The following PMS2 variants were observed in gnomAD, a reference collection of about 807,000 sequenced individuals.
PMS2 encodes the protein mismatch repair endonuclease PMS2.
In PMS2, 69 loss-of-function variants were observed where a neutral mutation model predicts 90.0. The observed-to-expected ratio is 0.77, with a 90% CI of 0.63 to 0.94. The LOEUF (loss-of-function observed/expected upper bound fraction) is 0.94. Ranked by LOEUF, PMS2 falls within the 40% of genes least tolerant of loss-of-function variation. The probability of loss-of-function intolerance (pLI) is 0.00; values close to 1 mark genes in which losing one functional copy is unlikely to be tolerated. For missense variants in PMS2, 966 were observed against 1,040.2 expected, an observed-to-expected ratio of 0.93 and a Z score of 0.98; for synonymous variants, 332 against 375.1, an observed-to-expected ratio of 0.89 and a Z score of 1.33.
At position 5,977,647 on chromosome 7, in the gene PMS2, C is replaced by T. The variant is rs368737800; in HGVS notation, c.2386G>A (p.Val796Ile). 25 of 1,603,604 alleles carry T rather than the reference C, an allele frequency of 1.6e-5. No homozygotes were observed. Among genetic ancestry groups the T allele is most frequent in the Non-Finnish European group, 2.1e-5 (25 of 1,172,998 alleles). ...LIFMLSDSPG[V>I]MCRPSRVKQM... ...TTGACTCGGGAAGGCCGGCACATGA[C>T]CCCAGGGCTGTCGCTCAGCATGAAG... Residue 796 changes from valine (V) to isoleucine (I), a missense_variant, in exon 14 of 15, where the codon GTC (valine) becomes ATC (isoleucine). Coordinates refer to ENST00000265849, the MANE Select transcript of PMS2 (RefSeq NM_000535.7).
At chr7:6,000,784 G>C (rs1335277953) in intron 5 of PMS2, among the ~76,000 whole-genome samples, 2 of 151,898 alleles carry the variant, frequency 1.3e-5, no homozygotes, top group African/African-American at 2.4e-5. Context: ...TGAGGTCAGG[G>C]GTGCAAGACC....
intron 1 of PMS2, among the ~76,000 whole-genome samples, chr7:6,007,087 C>CATT (rs10592354): frequency 0.043 from 6,332 of 147,388 alleles, 188 homozygotes; most frequent in South Asian, 0.11. Flanking sequence ...AAGTCCCCTA[C>CATT]ATTATTATTA....
chr7:5,996,594 T>A (rs76428720), intron 7 of PMS2, among the ~76,000 whole-genome samples: 21,495 of 96,332 alleles, frequency 0.22, 2,032 homozygotes, highest in Middle Eastern at 0.32. Context: ...AAAAAAAATA[T>A]ATATATATAT....
intron 11 of PMS2, among the ~76,000 whole-genome samples, chr7:5,983,591 C>T (rs144691506): frequency 0.013 from 2,003 of 151,724 alleles, 32 homozygotes; most frequent in Middle Eastern, 0.034. Context: ...TCTGTCATCA[C>T]TTAATGCATC....
intron 1 of PMS2, among the ~76,000 whole-genome samples, chr7:6,008,593 A>AG (rs1039744336): frequency 6.6e-6 from 1 of 152,158 alleles, no homozygotes; most frequent in African/African-American, 2.4e-5. Flanking sequence ...TCTACAAAAA[A>AG]AAATTAAAAA....
rs10274935 is a variant in PMS2, at chr7:6,002,156, A to G, written c.537+297T>C. On this transcript the variant is annotated intron_variant, in intron 5 of 14. Coordinates refer to ENST00000265849, the MANE Select transcript of PMS2 (RefSeq NM_000535.7). ...GTGATCCTCCCACTTCAGCCTCCCA[A>G]GTAGCTGGAACTACAGGTACATGTC... is the stretch of plus-strand genomic sequence containing the variant. 4.7e-3 allele frequency: 1,583 copies of G among 337,190 alleles called. 31 individuals carry two copies. The highest frequency in any genetic ancestry group is 0.031 in the African/African-American group (1,459 of 46,474). 20.9% of individuals were successfully genotyped at this position (337,190 alleles called of 1,614,324 possible).
intron 9 of PMS2, among the ~76,000 whole-genome samples, chr7:5,991,080 A>C (rs1783680919): frequency 6.6e-6 from 1 of 152,206 alleles, no homozygotes; most frequent in African/African-American, 2.4e-5. Context: ...TATAATTTCC[A>C]AAAACTAAAA....
chr7:5,999,529 C>T (rs1784864125), intron 5 of PMS2, among the ~76,000 whole-genome samples: 1 of 152,100 alleles, frequency 6.6e-6, no homozygotes, highest in Non-Finnish European at 1.5e-5. Context: ...AAAAGTACAG[C>T]CTGTAATCCC....
chr7:5,997,350 G>C lies in PMS2; in HGVS notation c.779C>G (p.Ser260Cys), dbSNP rs777286241. The C allele has an allele frequency of 6.3e-6, 10 of 1,591,390 alleles. No homozygotes were observed. The highest frequency in any genetic ancestry group is 8.6e-6 in the Non-Finnish European group (10 of 1,161,072). Residue 260 changes from serine (S) to cysteine (C), a missense_variant, in exon 7 of 15, where the codon TCC becomes TGC. Transcript: ENST00000265849. ...SVCEEYGLSC[S>C]DALHNLFYIS... is the part of the protein sequence containing the mutation. ...CTAAAAAAGATTATGCAGAGCATCG[G>C]AACAGCTCAAACCGTACTCTTCACA...
chr7:6,006,973 A>C (rs1285639886), intron 1 of PMS2, among the ~76,000 whole-genome samples: 1 of 152,128 alleles, frequency 6.6e-6, no homozygotes, highest in Non-Finnish European at 1.5e-5. Context: ...CTGCTTAAAA[A>C]TTTACTAGTG....
At chr7:6,008,954 G>C (rs1350351989) in intron 1 of PMS2, 43 bp downstream of exon 1, 2 of 1,611,572 alleles carry the variant, frequency 1.2e-6, no homozygotes, top group South Asian at 1.1e-5. Context: ...TCTCAAAGAG[G>C]GCGCGCGAGA....
intron 2 of PMS2, among the ~76,000 whole-genome samples, chr7:6,005,244 C>A (rs1562699202): frequency 1.3e-5 from 2 of 149,408 alleles, no homozygotes; most frequent in African/African-American, 4.9e-5. Context: ...CTTGCTCTGT[C>A]CCCAGGCTGG....
intron 1 of PMS2, among the ~76,000 whole-genome samples, chr7:6,008,112 C>A (rs1355205016): frequency 6.6e-6 from 1 of 152,262 alleles, no homozygotes; most frequent in African/African-American, 2.4e-5. Flanking sequence ...CCGCCTTGGC[C>A]TCCCAAAGTG....
Position 5,982,998 on chromosome 7 carries a change from G to A in PMS2, c.2007-7C>T, listed in dbSNP as rs55954143. 0.074 allele frequency: 103,846 copies of A among 1,409,502 alleles called. 4,466 individuals carry two copies. The highest frequency in any genetic ancestry group is 0.24 in the African/African-American group (16,389 of 67,396). The allele number at this position is 1,409,502 out of a possible 1,614,324, so 87.3% of individuals were successfully genotyped here. A position where few individuals can be genotyped will look rare whatever the true frequency, so the allele number is the denominator to read the frequency against. ...TTCTGCAAACATCGTTTTACTGCAG[G>A]TAGAAAATGTTAATTATCAGACATT... On this transcript the variant is annotated splice_polypyrimidine_tract_variant and splice_region_variant and intron_variant, in intron 11 of 14. Transcript: ENST00000265849.
rs754339271 is a variant in PMS2 at position 5,987,036 on chromosome 7, T to C, written c.1729A>G (p.Lys577Glu). The C allele has an allele frequency of 5.0e-6, 8 of 1,614,174 alleles. No homozygotes were observed. Among genetic ancestry groups the C allele is most frequent in the Non-Finnish European group, 6.8e-6 (8 of 1,180,032 alleles). The change falls in exon 11 of 15, where the codon AAG becomes GAG. Residue 577 changes from lysine (K) to glutamate (E), a missense_variant. This residue lies in a region of PMS2 where 871 missense variants were observed against 802.4 expected (regional missense o/e 1.09). Coordinates refer to ENST00000265849, the MANE Select transcript of PMS2 (RefSeq NM_000535.7). ...AGAATTTCTTCTTTTTTAAAACGCTTTGTGTTTGGGGTTGCGAGATTAGTT... is the reference window on the plus strand; with the variant it reads ...AGAATTTCTTCTTTTTTAAAACGCTCTGTGTTTGGGGTTGCGAGATTAGTT... ...QPTNLATPNTKRFKKEEILSS... is the reference protein window; with the variant it reads ...QPTNLATPNTERFKKEEILSS...
intron 11 of PMS2, among the ~76,000 whole-genome samples, chr7:5,983,428 A>T (rs1335016860): frequency 6.6e-6 from 1 of 151,536 alleles, no homozygotes; most frequent in Non-Finnish European, 1.5e-5. Context: ...CACTTTCTAA[A>T]GATAACATTA....
intron 1 of PMS2, among the ~76,000 whole-genome samples, chr7:6,008,296 A>T (rs2128861012): frequency 6.6e-6 from 1 of 152,320 alleles, no homozygotes; most frequent in South Asian, 2.1e-4. Context: ...GCGTTTACAA[A>T]TCTGACATGG....
At chr7:5,994,703 G>A (rs958040428) in intron 8 of PMS2, among the ~76,000 whole-genome samples, 3 of 151,800 alleles carry the variant, frequency 2.0e-5, no homozygotes, top group Non-Finnish European at 4.4e-5. Flanking sequence ...GTGAACCTGG[G>A]AGGCGGAGCT....
chr7:6,000,011 G>A (rs915234338), intron 5 of PMS2, among the ~76,000 whole-genome samples: 4 of 152,054 alleles, frequency 2.6e-5, no homozygotes, highest in South Asian at 2.1e-4. Flanking sequence ...TAGCCATAGC[G>A]CAGCAGAATG....
Sources: allele counts gnomAD v4.1 joint callset (sites outside exome capture counted in the v4.1 genomes callset), GRCh38; gene constraint gnomAD v4.1.1; regional missense constraint gnomAD v4.1.1; transcripts MANE v1.5; gene names NCBI Gene and HGNC (gene_info 2026-07-23, HGNC 2026-07-21).